Variants in SUGCT observed in about 807,000 individuals in gnomAD.
SUGCT encodes succinyl-CoA:glutarate-CoA transferase, also known as succinyl-CoA:glutarate CoA-transferase.
Under a neutral mutation model 55.0 loss-of-function variants are expected in SUGCT, and 41 were observed. The ratio of observed to expected loss-of-function variants is 0.74; its 90% confidence interval spans 0.58 to 0.97. SUGCT has a LOEUF of 0.97. SUGCT is among the 50% of genes least tolerant of loss of function. SUGCT has a pLI of 0.00. For synonymous variants in SUGCT, 187 were observed against 200.4 expected (o/e 0.93, Z 0.56); for missense variants, 568 against 547.8 (o/e 1.04, Z -0.37).
chr7:40,431,951 A>G (rs1391401228), intron 9 of SUGCT, among the ~76,000 whole-genome samples: 2 of 152,092 alleles, frequency 1.3e-5, no homozygotes, highest in Non-Finnish European at 2.9e-5. Context: ...TCCCCCATAT[A>G]GGATTATGTT....
At chr7:40,795,895 G>A (rs191816353) in intron 13 of SUGCT, among the ~76,000 whole-genome samples, 94 of 152,240 alleles carry the variant, frequency 6.2e-4, no homozygotes, top group Admixed American at 1.6e-3. Flanking sequence ...AACATGCTGA[G>A]AGAATGCAGC....
the SUGCT span, among the ~76,000 whole-genome samples, chr7:41,020,985 A>T: frequency 2.0e-5 from 3 of 152,310 alleles, no homozygotes; most frequent in African/African-American, 7.2e-5. Flanking sequence ...TGGACAGGAG[A>T]TGTGGCCTGT....
chr7:40,347,860 T>C (rs4360204), intron 9 of SUGCT, among the ~76,000 whole-genome samples: 35,164 of 152,248 alleles, frequency 0.23, 5,293 homozygotes, highest in Non-Finnish European at 0.34. Context: ...TTGTTCTAGT[T>C]ACTCATGTTG....
chr7:40,682,274 G>A (rs1784283172), intron 12 of SUGCT, among the ~76,000 whole-genome samples: 1 of 152,134 alleles, frequency 6.6e-6, no homozygotes, highest in Non-Finnish European at 1.5e-5. Flanking sequence ...CTTTCATCTG[G>A]CTGCTCATTT....
chr7:40,447,463 G>T (rs1265836285), intron 9 of SUGCT, among the ~76,000 whole-genome samples: 2 of 152,004 alleles, frequency 1.3e-5, no homozygotes, highest in Non-Finnish European at 2.9e-5. Context: ...AATACAGAGG[G>T]TTCAAAAAGT....
chr7:40,677,357 T>A (rs1196727939), intron 12 of SUGCT, among the ~76,000 whole-genome samples: 1 of 152,206 alleles, frequency 6.6e-6, no homozygotes, highest in Non-Finnish European at 1.5e-5. Context: ...TTTTAATCAC[T>A]CACCAAAGTG....
intron 12 of SUGCT, among the ~76,000 whole-genome samples, chr7:40,700,384 T>C (rs1387244492): frequency 6.6e-6 from 1 of 152,162 alleles, no homozygotes; most frequent in African/African-American, 2.4e-5. Context: ...AAGATTTAAG[T>C]GATCATGAAA....
chr7:40,250,195 C>T lies in SUGCT; in HGVS notation c.576+12469C>T, dbSNP rs577747364. Among the ~76,000 whole-genome samples, 752 of 152,028 alleles carry T rather than the reference C, an allele frequency of 4.9e-3. 6 individuals are homozygous for T. Among genetic ancestry groups the T allele is most frequent in the African/African-American group, 0.017 (710 of 41,504 alleles). On this transcript the variant is annotated intron_variant, in intron 7 of 13. Transcript: ENST00000335693. ...GGAGGATTGCTTCAGCTCAGGAGTT[C>T]GAGACCAGCCTGGGCAACATGGCGA...
chr7:40,306,879 T>C (rs1224712032), intron 8 of SUGCT, among the ~76,000 whole-genome samples: 1 of 152,212 alleles, frequency 6.6e-6, no homozygotes, highest in Non-Finnish European at 1.5e-5. Context: ...AAATTCTGTC[T>C]CTCTTTGCTG....
At chr7:40,560,122 C>T (rs1348258078) in intron 12 of SUGCT, among the ~76,000 whole-genome samples, 1 of 152,198 alleles carries the variant, frequency 6.6e-6, no homozygotes, top group East Asian at 1.9e-4. Flanking sequence ...TAACACATCT[C>T]CCCACTTCCT....
chr7:40,497,827 G>A (rs769445140), intron 12 of SUGCT, among the ~76,000 whole-genome samples: 32 of 151,594 alleles, frequency 2.1e-4, no homozygotes, highest in Non-Finnish European at 4.3e-4. Flanking sequence ...AGAGATGAAG[G>A]CACCAAAGCA....
intron 12 of SUGCT, among the ~76,000 whole-genome samples, chr7:40,721,680 A>G (rs1477352281): frequency 6.6e-6 from 1 of 152,194 alleles, no homozygotes; most frequent in Non-Finnish European, 1.5e-5. Context: ...AACATTCCAT[A>G]ATTGACCATT....
In SUGCT at chr7:40,142,599, C is replaced by A. The variant is rs148211561; in HGVS notation, c.100+7479C>A. Among the ~76,000 whole-genome samples the A allele has an allele frequency of 6.4e-3, 968 of 152,302 alleles. 6 individuals are homozygous for A. Among genetic ancestry groups the A allele is most frequent in the African/African-American group, 0.022 (923 of 41,558 alleles). Reference sequence around the variant, plus strand: ...GGAAGTAAGAACTGAGGCTATTATTCTTTTCCACTTACTGAACCACTTTTC... The same window carrying A: ...GGAAGTAAGAACTGAGGCTATTATTATTTTCCACTTACTGAACCACTTTTC... On this transcript the variant is annotated intron_variant, in intron 1 of 13. Transcript: ENST00000335693.
the SUGCT span, among the ~76,000 whole-genome samples, chr7:40,874,564 C>A: frequency 6.6e-6 from 1 of 152,156 alleles, no homozygotes; most frequent in East Asian, 1.9e-4. Flanking sequence ...AAATTTTTAT[C>A]AGTCTTAGCT....
chr7:40,546,257 C>G (rs1168387728), intron 12 of SUGCT, among the ~76,000 whole-genome samples: 1 of 152,150 alleles, frequency 6.6e-6, no homozygotes, highest in African/African-American at 2.4e-5. Context: ...CAAATTACAT[C>G]AAGTGCTGTG....
At chr7:40,527,888 T>C (rs1793887884) in intron 12 of SUGCT, among the ~76,000 whole-genome samples, 1 of 152,194 alleles carries the variant, frequency 6.6e-6, no homozygotes, top group Non-Finnish European at 1.5e-5. Flanking sequence ...TCTTTTGTCC[T>C]TACAAAGATA....
intron 7 of SUGCT, among the ~76,000 whole-genome samples, chr7:40,249,715 C>T (rs367610129): frequency 2.6e-5 from 4 of 151,972 alleles, no homozygotes; most frequent in Non-Finnish European, 4.4e-5. Flanking sequence ...CCTTTGATTA[C>T]GGTCAGAGTT....
chr7:40,350,103 T>C (rs1490577326), intron 9 of SUGCT, among the ~76,000 whole-genome samples: 2 of 152,058 alleles, frequency 1.3e-5, no homozygotes, highest in Non-Finnish European at 2.9e-5. Context: ...TCTGTAGCAT[T>C]TCTGCTATAA....
At chr7:40,933,832 G>A in the SUGCT span, among the ~76,000 whole-genome samples, 5 of 152,072 alleles carry the variant, frequency 3.3e-5, no homozygotes, top group African/African-American at 9.7e-5. Flanking sequence ...TTAGCCATTC[G>A]TCTAACCTTT....
Sources: allele counts gnomAD v4.1 joint callset (sites outside exome capture counted in the v4.1 genomes callset), GRCh38; gene constraint gnomAD v4.1.1; transcripts MANE v1.5; gene names NCBI Gene and HGNC (gene_info 2026-07-23, HGNC 2026-07-21).